The following SLC75A1 variants were observed in gnomAD, a reference collection of about 807,000 sequenced individuals.
The protein encoded by SLC75A1 is major facilitator superfamily domain containing 10.
chr4:2,932,464 G>C, the SLC75A1 span: 2 of 1,613,674 alleles, frequency 1.2e-6, no homozygotes, highest in African/African-American at 1.3e-5. Flanking sequence ...GAGGCTCCGA[G>C]CATAGGGCCC....
chr4:2,931,056 C>T, the SLC75A1 span: 2 of 1,607,436 alleles, frequency 1.2e-6, no homozygotes, highest in African/African-American at 2.7e-5. Context: ...ATCCCGCGCC[C>T]TCACCTGAAG....
the SLC75A1 span, chr4:2,932,499 A>G: frequency 1.2e-5 from 20 of 1,613,482 alleles, no homozygotes; most frequent in Non-Finnish European, 1.5e-5. Flanking sequence ...TGAGAAGGCC[A>G]CCCCAATGAC....
At chr4:2,931,712 G>A in the SLC75A1 span, 1 of 1,574,638 alleles carries the variant, frequency 6.4e-7, no homozygotes, top group Admixed American at 1.8e-5. Flanking sequence ...GGCCACCCAG[G>A]GCAGGGCCAG....
chr4:2,933,168 C>T, the SLC75A1 span: 16 of 1,613,586 alleles, frequency 9.9e-6, no homozygotes, highest in African/African-American at 1.3e-5. Context: ...GTGAGTGGCG[C>T]ACACAGAAAC....
At chr4:2,931,689 GCACCCGGGGCAGGGC>G in the SLC75A1 span, 2 of 1,597,848 alleles carry the variant, frequency 1.3e-6, no homozygotes, top group South Asian at 1.1e-5. Flanking sequence ...TTAGTGCAGG[GCACCCGGGGCAGGGC>G]CACCCAGGGC....
At chr4:2,931,101 A>T in the SLC75A1 span, 43 of 1,592,290 alleles carry the variant, frequency 2.7e-5, no homozygotes, top group Admixed American at 7.4e-4. Context: ...TGGCCAGAGC[A>T]CCTAGGCTGC....
At chr4:2,933,985 G>C in the SLC75A1 span, 1 of 1,497,402 alleles carries the variant, frequency 6.7e-7, no homozygotes, top group Non-Finnish European at 9.0e-7. Flanking sequence ...GGGAAGCCGA[G>C]TCCTCCGGGG....
At chr4:2,932,767 G>GGGCAGGGGCCAAGA in the SLC75A1 span, 20 of 1,548,438 alleles carry the variant, frequency 1.3e-5, no homozygotes, top group East Asian at 2.9e-4. Context: ...ATCTGCCCAG[G>GGGCAGGGGCCAAGA]GGCAGGGGCC....
chr4:2,932,163 T>G, the SLC75A1 span: 1 of 1,599,602 alleles, frequency 6.3e-7, no homozygotes. Context: ...CCTGTGGGGA[T>G]GGCATTGGAG....
chr4:2,933,113 A>G, the SLC75A1 span: 1 of 1,613,478 alleles, frequency 6.2e-7, no homozygotes, highest in African/African-American at 1.3e-5. Context: ...TACCAGGCAC[A>G]GCAGCATCAC....
chr4:2,931,938 T>C, the SLC75A1 span: 107 of 1,605,548 alleles, frequency 6.7e-5, no homozygotes, highest in East Asian at 8.1e-4. Context: ...TGCTGAGCCC[T>C]GGGGAGAGGT....
the SLC75A1 span, chr4:2,930,762 G>A: frequency 3.4e-6 from 5 of 1,487,878 alleles, no homozygotes; most frequent in Non-Finnish European, 4.5e-6. Flanking sequence ...CGGGGGGTGG[G>A]GGTCAGGCAG....
At chr4:2,930,956 G>A in the SLC75A1 span, 1 of 1,613,034 alleles carries the variant, frequency 6.2e-7, no homozygotes, top group Non-Finnish European at 8.5e-7. Context: ...CCAGTACACT[G>A]CGGAGAGACG....
chr4:2,931,538 TG>T, the SLC75A1 span: 1 of 1,608,162 alleles, frequency 6.2e-7, no homozygotes, highest in Non-Finnish European at 8.5e-7. Context: ...CCACCCGCTT[TG>T]GAGGGAGCCC....
the SLC75A1 span, chr4:2,932,941 G>T: frequency 9.6e-7 from 1 of 1,046,434 alleles, no homozygotes; most frequent in Non-Finnish European, 1.4e-6. Context: ...CCTGGCTCTG[G>T]AACAGGAGCC....
chr4:2,930,683 A>C, the SLC75A1 span: 2 of 727,396 alleles, frequency 2.7e-6, no homozygotes, highest in Non-Finnish European at 4.5e-6. Context: ...GGAGTAAGTA[A>C]GTCTGGAGGA....
At chr4:2,931,370 C>T in the SLC75A1 span, 1 of 1,547,894 alleles carries the variant, frequency 6.5e-7, no homozygotes, top group South Asian at 1.2e-5. Context: ...GGCAGGGCCA[C>T]TCACCAAAGG....
At chr4:2,933,950 T>G in the SLC75A1 span, 1 of 1,544,502 alleles carries the variant, frequency 6.5e-7, no homozygotes, top group Non-Finnish European at 8.7e-7. Context: ...CTGGCCTGGG[T>G]GGGGTGCGGC....
At chr4:2,931,024 G>A in the SLC75A1 span, 2 of 1,610,784 alleles carry the variant, frequency 1.2e-6, no homozygotes, top group African/African-American at 2.7e-5. Context: ...CAGGTGCTTG[G>A]CCCCCAGCCT....
Sources: gnomAD v4.1 joint callset for allele counts on GRCh38, gnomAD v4.1.1 for gene constraint, MANE v1.5 for transcripts, NCBI Gene and HGNC (gene_info 2026-07-23, HGNC 2026-07-21) for gene names.